GLCE: variants seen among roughly 807,000 people sequenced by gnomAD.
The protein encoded by GLCE is glucuronic acid epimerase.
Under a neutral mutation model 47.9 loss-of-function variants are expected in GLCE, and 19 were observed. The ratio of observed to expected loss-of-function variants is 0.40; its 90% CI spans 0.28 to 0.58. The LOEUF is 0.58. Among genes scored for constraint, GLCE ranks in the 20% least tolerant of loss-of-function variants. GLCE has a pLI of 0.48. For missense variants in GLCE, 556 were observed against 743.3 expected, an observed-to-expected ratio of 0.75 and a Z score of 2.93; for synonymous variants, 245 against 263.4, an observed-to-expected ratio of 0.93 and a Z score of 0.68.
rs1566955692 is a variant in GLCE, at chr15:69,206,379, G to A, written c.-104-3937G>A. 2.6e-5 allele frequency among the ~76,000 whole-genome samples: 4 copies of A among 151,946 alleles called. No homozygotes were observed. In the South Asian group the frequency reaches 8.3e-4, roughly 32 times the overall value. ...GTAAAGTCGATATTTTTGTCTTTTTGTATTATATTCTTTAGAAATGAGTTG... is the reference window on the plus strand; with the variant it reads ...GTAAAGTCGATATTTTTGTCTTTTTATATTATATTCTTTAGAAATGAGTTG... On this transcript the variant is annotated intron_variant, in intron 1 of 4. Coordinates refer to ENST00000261858, the MANE Select transcript of GLCE (RefSeq NM_015554.3).
chr15:69,232,968 A>G (rs2052545491), intron 2 of GLCE, among the ~76,000 whole-genome samples: 1 of 152,204 alleles, frequency 6.6e-6, no homozygotes, highest in Non-Finnish European at 1.5e-5. Context: ...AGCAGCAGAC[A>G]GTAGGAAAGG....
At chr15:69,259,134 C>T (rs1354427034) in intron 3 of GLCE, among the ~76,000 whole-genome samples, 1 of 152,084 alleles carries the variant, frequency 6.6e-6, no homozygotes, top group East Asian at 1.9e-4. Context: ...TCTTTAACAA[C>T]TAGTGAGGTC....
At chr15:69,186,798 T>C (rs1287572769) in intron 1 of GLCE, among the ~76,000 whole-genome samples, 2 of 152,218 alleles carry the variant, frequency 1.3e-5, no homozygotes, top group Non-Finnish European at 2.9e-5. Context: ...TATTATAAGC[T>C]TTAGGGCTTT....
chr15:69,210,588 T>A (rs1009541360), intron 2 of GLCE, among the ~76,000 whole-genome samples, 182 bp downstream of exon 2: 3 of 152,126 alleles, frequency 2.0e-5, no homozygotes, highest in African/African-American at 7.2e-5. Flanking sequence ...AATTTCCCAG[T>A]CTAATCTGAG....
At chr15:69,176,220 T>TTTTG (rs1208412759) in intron 1 of GLCE, among the ~76,000 whole-genome samples, 1 of 132,608 alleles carries the variant, frequency 7.5e-6, no homozygotes, top group Non-Finnish European at 1.6e-5. Flanking sequence ...AACCTTGTTT[T>TTTTG]TTTTTTTTTT....
At chr15:69,237,717 C>T (rs1014351187) in intron 2 of GLCE, among the ~76,000 whole-genome samples, 1 of 152,174 alleles carries the variant, frequency 6.6e-6, no homozygotes, top group African/African-American at 2.4e-5. Flanking sequence ...CTTGATGAAC[C>T]TTTCTCCTTT....
At chr15:69,213,364 T>C (rs551429808) in intron 2 of GLCE, among the ~76,000 whole-genome samples, 2 of 152,260 alleles carry the variant, frequency 1.3e-5, no homozygotes, top group East Asian at 3.9e-4. Flanking sequence ...CCTTAGTCTT[T>C]CCGTGTCTCT....
chr15:69,176,227 T>TTTG (rs2051662288), intron 1 of GLCE, among the ~76,000 whole-genome samples: 1 of 137,504 alleles, frequency 7.3e-6, no homozygotes, highest in Non-Finnish European at 1.6e-5. Flanking sequence ...TTTTTTTTTT[T>TTTG]TTTTTTTTTT....
At chr15:69,244,074 AG>A (rs2052714436) in intron 2 of GLCE, among the ~76,000 whole-genome samples, 1 of 152,224 alleles carries the variant, frequency 6.6e-6, no homozygotes, top group Non-Finnish European at 1.5e-5. Context: ...AACATGGGGA[AG>A]GTTTTGCTTC....
chr15:69,192,421 G>T (rs1427812192), intron 1 of GLCE, among the ~76,000 whole-genome samples: 1 of 151,454 alleles, frequency 6.6e-6, no homozygotes, highest in Non-Finnish European at 1.5e-5. Context: ...ATGTTTCTTT[G>T]TCTCCTCATT....
intron 2 of GLCE, among the ~76,000 whole-genome samples, chr15:69,243,728 CT>C (rs2052707667): frequency 2.1e-5 from 3 of 143,236 alleles, no homozygotes; most frequent in Admixed American, 1.4e-4. Flanking sequence ...AAAGTTAAAG[CT>C]TTTTATTCCC....
chr15:69,211,985 T>C (rs1366232842), intron 2 of GLCE, among the ~76,000 whole-genome samples: 1 of 152,032 alleles, frequency 6.6e-6, no homozygotes, highest in Non-Finnish European at 1.5e-5. Context: ...AAGAAAATAC[T>C]TTGCATCTTT....
chr15:69,164,317 T>C (rs2051470442), intron 1 of GLCE, among the ~76,000 whole-genome samples: 1 of 151,998 alleles, frequency 6.6e-6, no homozygotes, highest in Non-Finnish European at 1.5e-5. Flanking sequence ...TATGATATAC[T>C]AAAGCAGTTT....
At chr15:69,255,654 A>G in intron 2 of GLCE, 140 bp from the exon 3 acceptor site, 1 of 525,962 alleles carries the variant, frequency 1.9e-6, no homozygotes, top group Non-Finnish European at 3.3e-6. Context: ...GAAAAGTTTG[A>G]GTTTGCAATT....
chr15:69,259,089 G>A (rs1022694019), intron 3 of GLCE, among the ~76,000 whole-genome samples: 19 of 152,184 alleles, frequency 1.2e-4, no homozygotes, highest in African/African-American at 4.6e-4. Context: ...TTGTTTTTTT[G>A]TCTGTTGGTT....
At chr15:69,173,349 A>G (rs2140331427) in intron 1 of GLCE, among the ~76,000 whole-genome samples, 1 of 152,308 alleles carries the variant, frequency 6.6e-6, no homozygotes, top group Middle Eastern at 3.4e-3. Context: ...ATATGATAAT[A>G]CTTTTTAGAT....
chr15:69,252,830 G>A (rs2052864996), intron 2 of GLCE, among the ~76,000 whole-genome samples: 2 of 151,968 alleles, frequency 1.3e-5, no homozygotes, highest in African/African-American at 4.8e-5. Flanking sequence ...TGCAATATAA[G>A]GAAATCCTCA....
intron 2 of GLCE, among the ~76,000 whole-genome samples, chr15:69,239,197 A>ATGT (rs3084807): frequency 0.69 from 105,084 of 151,652 alleles, 37,469 homozygotes; most frequent in Admixed American, 0.77. Context: ...AATGTTGGAA[A>ATGT]TGTGTGAAGC....
At chr15:69,192,505 G>T (rs1043794492) in intron 1 of GLCE, among the ~76,000 whole-genome samples, 7 of 151,824 alleles carry the variant, frequency 4.6e-5, no homozygotes, top group African/African-American at 1.5e-4. Context: ...CTCTTAATTT[G>T]ATCATCTCTT....
Sources: allele counts gnomAD v4.1 joint callset (sites outside exome capture counted in the v4.1 genomes callset), GRCh38; gene constraint gnomAD v4.1.1; transcripts MANE v1.5; gene names NCBI Gene and HGNC (gene_info 2026-07-23, HGNC 2026-07-21).